Variants in PTPRC observed in about 807,000 individuals in gnomAD.
PTPRC encodes protein tyrosine phosphatase receptor type C.
In PTPRC, 44 loss-of-function variants were observed where a neutral mutation model predicts 155.9. The observed-to-expected ratio is 0.28, with a 90% CI of 0.22 to 0.36. The LOEUF (loss-of-function observed/expected upper bound fraction) is 0.36. Ranked by LOEUF, PTPRC falls within the 10% of genes least tolerant of loss-of-function variation. The probability of loss-of-function intolerance (pLI) is 1.00; values close to 1 mark genes in which losing one functional copy is unlikely to be tolerated. For missense variants in PTPRC, 1,401 were observed against 1,564.6 expected, an observed-to-expected ratio of 0.90 and a Z score of 1.76; for synonymous variants, 525 against 533.1, an observed-to-expected ratio of 0.98 and a Z score of 0.21.
chr1:198,741,761 T>C lies in PTPRC; in HGVS notation c.2404-108T>C, dbSNP rs1229508334. ...GGAAACTATGAACTCTTTTGAGTAG[T>C]TTATGTTTACACGAGGAGACTTTGT... On this transcript the variant is annotated intron_variant, in intron 23 of 32. Transcript: ENST00000442510. The C allele has an allele frequency of 4.5e-6, 5 of 1,119,952 alleles. No individual in the cohort carries two copies. The East Asian group carries it at 1.3e-4, about 29-fold the overall frequency. 69.4% of individuals were successfully genotyped at this position (1,119,952 alleles called of 1,614,324 possible).
rs75712831 is a variant in PTPRC, at chr1:198,670,708, C to A, written c.74-21639C>A. ...CTCCCTATTGCTCTTTCCTGCTTCA[C>A]AAACTTCTTAAAAGATTTTTTCATG... On this transcript the variant is annotated intron_variant, in intron 2 of 32. Transcript: ENST00000442510. Among the ~76,000 whole-genome samples the A allele has an allele frequency of 3.3e-3, 509 of 152,220 alleles. 4 individuals are homozygous for A. The highest frequency in any genetic ancestry group is 0.011 in the African/African-American group (474 of 41,524).
intron 11 of PTPRC, among the ~76,000 whole-genome samples, chr1:198,710,592 CTTCT>C (rs1341622381): frequency 4.6e-5 from 7 of 152,122 alleles, no homozygotes; most frequent in African/African-American, 1.7e-4. Flanking sequence ...TAATTTATGT[CTTCT>C]TTAATTTATT....
At chr1:198,669,459 C>G (rs545647154) in intron 2 of PTPRC, among the ~76,000 whole-genome samples, 1 of 152,154 alleles carries the variant, frequency 6.6e-6, no homozygotes, top group East Asian at 1.9e-4. Context: ...AAACTATTTA[C>G]TTCTTTTGAA....
chr1:198,694,584 G>C, intron 3 of PTPRC: 3 of 986,734 alleles, frequency 3.0e-6, no homozygotes, highest in Non-Finnish European at 3.6e-6. Context: ...TTCTCTCAAA[G>C]CAAAAGGGAT....
At chr1:198,734,475 G>A in intron 22 of PTPRC, 50 bp downstream of exon 22, 1 of 1,514,362 alleles carries the variant, frequency 6.6e-7, no homozygotes, top group Non-Finnish European at 9.2e-7. Context: ...AGGAAAACAA[G>A]GTGTTGAATG....
intron 3 of PTPRC, chr1:198,692,744 T>A: frequency 1.1e-6 from 1 of 931,040 alleles, no homozygotes. Flanking sequence ...TCTATGTATG[T>A]TATAGATATG....
In PTPRC at chr1:198,713,060, A is replaced by G. The variant is rs780692784; in HGVS notation, c.1279A>G (p.Ile427Val). 1 of 1,613,762 alleles carries G rather than the reference A, an allele frequency of 6.2e-7. No homozygotes were observed. Among genetic ancestry groups the G allele is most frequent in the Non-Finnish European group, 8.5e-7 (1 of 1,179,710 alleles). ...ATTTCATAATTTTACCCTCTGTTATATAAAAGAGACAGGTAATTTGTGTAG... is the reference window on the plus strand; with the variant it reads ...ATTTCATAATTTTACCCTCTGTTATGTAAAAGAGACAGGTAATTTGTGTAG... ...RSFHNFTLCY[I>V]KETEKDCLNL... The change falls in exon 12 of 33, where the codon ATA becomes GTA. Residue 427 changes from isoleucine (I) to valine (V), a missense_variant. Transcript: ENST00000442510.
chr1:198,659,493 G>C (rs1326274), intron 2 of PTPRC, among the ~76,000 whole-genome samples: 59,605 of 151,602 alleles, frequency 0.39, 12,163 homozygotes, highest in East Asian at 0.68. Context: ...TGAGGAAATC[G>C]ACAGTGTGTG....
intron 12 of PTPRC, among the ~76,000 whole-genome samples, chr1:198,716,399 G>A (rs1000014130): frequency 3.3e-5 from 5 of 152,168 alleles, no homozygotes; most frequent in Non-Finnish European, 5.9e-5. Context: ...AAAAGAGATC[G>A]TCTTCACAAA....
chr1:198,647,017 T>C (rs1662974873), intron 2 of PTPRC, among the ~76,000 whole-genome samples: 1 of 151,662 alleles, frequency 6.6e-6, no homozygotes, highest in Admixed American at 6.6e-5. Context: ...ACTCTTTTTG[T>C]AACTTGCATT....
intron 32 of PTPRC, among the ~76,000 whole-genome samples, chr1:198,755,037 A>G (rs1373246652): frequency 6.6e-6 from 1 of 152,086 alleles, no homozygotes; most frequent in Non-Finnish European, 1.5e-5. Flanking sequence ...GGGAAAGAAG[A>G]CTTGTGTGAG....
intron 2 of PTPRC, among the ~76,000 whole-genome samples, chr1:198,665,603 G>T (rs895436671): frequency 2.0e-5 from 3 of 152,138 alleles, no homozygotes; most frequent in Admixed American, 2.0e-4. Flanking sequence ...TAACTATAAC[G>T]ATATTTTCAT....
At chr1:198,659,434 G>C (rs1038207746) in intron 2 of PTPRC, among the ~76,000 whole-genome samples, 3 of 152,204 alleles carry the variant, frequency 2.0e-5, no homozygotes, top group Non-Finnish European at 2.9e-5. Flanking sequence ...GCAGTGGAGG[G>C]ACAGAGGGGG....
chr1:198,742,431 G>C (rs887574965), intron 25 of PTPRC, 64 bp downstream of exon 25: 2 of 1,578,082 alleles, frequency 1.3e-6, no homozygotes, highest in African/African-American at 1.4e-5. Context: ...TTTTCCAAGT[G>C]ATAATAATGA....
At chr1:198,691,575 C>A (rs934078243) in intron 2 of PTPRC, among the ~76,000 whole-genome samples, 2 of 152,022 alleles carry the variant, frequency 1.3e-5, no homozygotes, top group African/African-American at 4.8e-5. Flanking sequence ...CTTTAATAAT[C>A]CATTTTCCAT....
intron 2 of PTPRC, among the ~76,000 whole-genome samples, chr1:198,685,861 A>G (rs1408177912): frequency 6.6e-6 from 1 of 152,026 alleles, no homozygotes; most frequent in Non-Finnish European, 1.5e-5. Flanking sequence ...TATTTAATCT[A>G]TTCTATTTTA....
intron 2 of PTPRC, among the ~76,000 whole-genome samples, chr1:198,642,904 C>T (rs1662682948): frequency 1.4e-5 from 2 of 143,446 alleles, no homozygotes; most frequent in African/African-American, 5.2e-5. Context: ...TTCTTTCTTT[C>T]TTCCTTTCTT....
intron 2 of PTPRC, among the ~76,000 whole-genome samples, chr1:198,649,129 A>C (rs1279956388): frequency 1.3e-5 from 2 of 151,778 alleles, no homozygotes; most frequent in Non-Finnish European, 2.9e-5. Context: ...GAGGAGACTA[A>C]AACAAAACAA....
At chr1:198,640,895 A>G (rs1276730385) in intron 2 of PTPRC, among the ~76,000 whole-genome samples, 1 of 152,008 alleles carries the variant, frequency 6.6e-6, no homozygotes, top group Non-Finnish European at 1.5e-5. Flanking sequence ...ATATGCTTAA[A>G]TCAGAGTGTG....
Sources: allele counts gnomAD v4.1 joint callset (sites outside exome capture counted in the v4.1 genomes callset), GRCh38; gene constraint gnomAD v4.1.1; transcripts MANE v1.5; gene names NCBI Gene and HGNC (gene_info 2026-07-23, HGNC 2026-07-21).